USP24: variants seen among roughly 807,000 people sequenced by gnomAD.
The protein encoded by USP24 is ubiquitin specific peptidase 24, also known as ubiquitin carboxyl-terminal hydrolase 24.
In USP24, 97 loss-of-function variants were observed where a neutral mutation model predicts 361.6. That is an observed-to-expected ratio of 0.27 (90% CI 0.23 to 0.32). The LOEUF (loss-of-function observed/expected upper bound fraction) is 0.32, where lower values mean the gene tolerates loss of function less well. Among genes scored for constraint, USP24 ranks in the 10% least tolerant of loss-of-function variants. USP24 has a pLI of 1.00. For missense variants in USP24, 2,353 were observed against 3,165.6 expected, an observed-to-expected ratio of 0.74 and a Z score of 6.16; for synonymous variants, 1,098 against 1,124.6, an observed-to-expected ratio of 0.98 and a Z score of 0.47.
chr1:55,148,698 A>G (rs1647108594), intron 16 of USP24, 128 bp from the exon 17 acceptor site: 1 of 658,110 alleles, frequency 1.5e-6, no homozygotes, highest in Non-Finnish European at 2.5e-6. Flanking sequence ...CTTTATATTG[A>G]CCATTTAGAG....
intron 22 of USP24, 66 bp from the exon 23 acceptor site, chr1:55,142,861 A>C: frequency 7.0e-7 from 1 of 1,426,704 alleles, no homozygotes; most frequent in East Asian, 2.5e-5. Flanking sequence ...TTCAGGACAA[A>C]ATATCAAAAT....
chr1:55,133,601 T>C (rs1646651466), intron 30 of USP24, among the ~76,000 whole-genome samples: 1 of 152,028 alleles, frequency 6.6e-6, no homozygotes, highest in Non-Finnish European at 1.5e-5. Context: ...CATTAAGTTC[T>C]GATTTCCATT....
chr1:55,133,275 C>T (rs1341919367), intron 30 of USP24, among the ~76,000 whole-genome samples: 2 of 151,952 alleles, frequency 1.3e-5, no homozygotes, highest in African/African-American at 2.4e-5. Flanking sequence ...TGGATAAATC[C>T]CTTAAGGAAC....
At chr1:55,097,546 G>A in intron 48 of USP24, 52 bp downstream of exon 48, 1 of 1,517,310 alleles carries the variant, frequency 6.6e-7, no homozygotes. Flanking sequence ...AAAAAAAGAA[G>A]TGAGTGAGGA....
In USP24 at chr1:55,154,040, G is replaced by A. The variant is rs912115891; in HGVS notation, c.1812+79C>T. 198 of 1,594,088 alleles carry A rather than the reference G, an allele frequency of 1.2e-4. 1 individual carries two copies. The highest frequency in any genetic ancestry group is 1.7e-5 in the Non-Finnish European group (20 of 1,168,300). On this transcript the variant is annotated intron_variant, in intron 15 of 67. Transcript: ENST00000294383. ...CATTTAGTTTAATTTACATAACAGGGGAGGAAAATTATTTGGCTCTAATTA... is the reference window on the plus strand; with the variant it reads ...CATTTAGTTTAATTTACATAACAGGAGAGGAAAATTATTTGGCTCTAATTA...
At chr1:55,161,835 G>A (rs888207392) in intron 8 of USP24, among the ~76,000 whole-genome samples, 1 of 152,070 alleles carries the variant, frequency 6.6e-6, no homozygotes, top group African/African-American at 2.4e-5. Context: ...GAGCCTAGCC[G>A]ATTTAATACA....
chr1:55,165,560 G>A (rs183463197), intron 7 of USP24, among the ~76,000 whole-genome samples: 1 of 152,204 alleles, frequency 6.6e-6, no homozygotes, highest in East Asian at 1.9e-4. Context: ...TCGTTTAACT[G>A]AGCCATAAAA....
intron 1 of USP24, among the ~76,000 whole-genome samples, chr1:55,189,318 T>C (rs971834534): frequency 6.6e-6 from 1 of 152,180 alleles, no homozygotes; most frequent in Non-Finnish European, 1.5e-5. Flanking sequence ...ATCCATACAA[T>C]GAAGTATTTT....
intron 38 of USP24, among the ~76,000 whole-genome samples, chr1:55,117,409 T>C (rs1024565640): frequency 1.3e-5 from 2 of 152,172 alleles, no homozygotes; most frequent in African/African-American, 4.8e-5. Context: ...CATGTTACTA[T>C]ATATGGAAAG....
At chr1:55,104,533 T>C (rs1645722601) in intron 41 of USP24, among the ~76,000 whole-genome samples, 3 of 152,170 alleles carry the variant, frequency 2.0e-5, no homozygotes. Flanking sequence ...AAAAGATAAC[T>C]AGCAAGCATT....
chr1:55,098,048 T>C lies in USP24; in HGVS notation c.5490A>G (p.Leu1830=), dbSNP rs1645537022. Residue 1830 remains leucine, a synonymous_variant, in exon 47 of 68, where the codon CTA becomes CTG. Transcript: ENST00000294383. The part of the protein sequence containing the change: ...EREEAFMALN[L]GVTSCQSLEI... ...CCAAACTCTGACAAGAAGTCACTCC[T>C]AGATTGAGAGCCATGAAAGCTTCTT... 7.4e-6 allele frequency: 12 copies of C among 1,611,496 alleles called. No homozygotes were observed. The East Asian group carries it at 2.5e-4, about 33-fold the overall frequency.
intron 1 of USP24, among the ~76,000 whole-genome samples, chr1:55,213,730 GCTTCTGGTCGAT>G (rs1291087621): frequency 6.6e-6 from 1 of 152,164 alleles, no homozygotes; most frequent in African/African-American, 2.4e-5. Context: ...AAGCACTGCT[GCTTCTGGTCGAT>G]CTTTTTTCTT....
In USP24 at chr1:55,162,220, G is replaced by A; in HGVS notation, c.972C>T (p.Tyr324=). The change falls in exon 8 of 68, where the codon TAC becomes TAT. Residue 324 remains tyrosine (Y), a synonymous_variant. Coordinates refer to ENST00000294383, the MANE Select transcript of USP24 (RefSeq NM_015306.3). ...CTACCTGTACCACGGAGGAATTGAG[G>A]TACTCTGCACACACTCCTAAGGGCT... is the stretch of plus-strand genomic sequence containing the variant. The part of the protein sequence containing the change: ...LIQPLGVCAE[Y]LNSSVVQPML... 6.3e-7 allele frequency: 1 copy of A among 1,595,862 alleles called. No individual in the cohort carries two copies. Among genetic ancestry groups the A allele is most frequent in the Non-Finnish European group, 8.5e-7 (1 of 1,172,538 alleles).
At chr1:55,138,843 G>A in intron 25 of USP24, 101 bp downstream of exon 25, 1 of 1,340,956 alleles carries the variant, frequency 7.5e-7, no homozygotes, top group South Asian at 1.3e-5. Context: ...ACTGGGTGTG[G>A]TGGTGTGTGC....
rs143298980 is a variant in USP24, at chr1:55,072,474, T to C, written c.7603-71A>G. On this transcript the variant is annotated intron_variant, in intron 65 of 67. Coordinates refer to ENST00000294383, the MANE Select transcript of USP24 (RefSeq NM_015306.3). ...CCCATGGGTTCACAGTTTCTACCAT[T>C]AGATATTGAGTCTTAAAAGCATCCC... 5.6e-4 allele frequency: 708 copies of C among 1,272,928 alleles called. 2 individuals are homozygous for C. The highest frequency in any genetic ancestry group is 1.2e-3 in the Admixed American group (55 of 46,856). The allele number at this position is 1,272,928 out of a possible 1,614,324, so 78.9% of individuals were successfully genotyped here.
At chr1:55,123,722 G>C in intron 35 of USP24, 120 bp from the exon 36 acceptor site, 1 of 1,010,656 alleles carries the variant, frequency 9.9e-7, no homozygotes, top group Non-Finnish European at 1.3e-6. Context: ...AAAGCACTTA[G>C]GTCCAAGAAG....
At chr1:55,159,589 T>C (rs560422859) in intron 9 of USP24, 22 bp downstream of exon 9, 17 of 1,551,956 alleles carry the variant, frequency 1.1e-5, no homozygotes, top group Middle Eastern at 3.3e-4. Flanking sequence ...CTGGGGCCTA[T>C]CTGGCTGGAG....
At chr1:55,162,779 G>A (rs1425476036) in intron 7 of USP24, among the ~76,000 whole-genome samples, 5 of 152,098 alleles carry the variant, frequency 3.3e-5, no homozygotes, top group Non-Finnish European at 5.9e-5. Context: ...CACGATCTCA[G>A]TAGAATTTTC....
rs1294261899 is a variant in USP24 at position 55,106,213 on chromosome 1, T to C, written c.4813A>G (p.Arg1605Gly). The C allele has an allele frequency of 2.5e-6, 4 of 1,614,000 alleles. No individual in the cohort carries two copies. In the South Asian group the frequency reaches 4.4e-5, roughly 18 times the overall value. The stretch of plus-strand genomic sequence containing the variant: ...GGAGAATGACTATTTAAAATAATTC[T>C]AGAAGCTCGGAAAAGGAAGTCATCT... The part of the protein sequence containing the change: ...LLDDFLFRAS[R>G]IILNSHSPAG... The change falls in exon 41 of 68, where the codon AGA (arginine) becomes GGA (glycine). Residue 1605 changes from arginine (R) to glycine (G), a missense_variant. By Grantham distance (125) the Arg-to-Gly change is moderately radical. Around this residue, in one of 8 missense-constraint regions of USP24, gnomAD observed 949 missense variants for 1,280.5 expected, o/e 0.74. Transcript: ENST00000294383.
Sources: allele counts gnomAD v4.1 joint callset (sites outside exome capture counted in the v4.1 genomes callset), GRCh38; gene constraint gnomAD v4.1.1; regional missense constraint gnomAD v4.1.1; transcripts MANE v1.5; gene names NCBI Gene and HGNC (gene_info 2026-07-23, HGNC 2026-07-21).